The following GALNT11 variants were observed in gnomAD, a reference collection of about 807,000 sequenced individuals.
GALNT11 encodes the protein UDP-GalNAc:polypeptide N-acetylgalactosaminyltransferase 11.
GALNT11 carries 47 observed loss-of-function variants against 72.7 expected under a neutral mutation model. The observed-to-expected ratio is 0.65, with a 90% CI of 0.51 to 0.82. The LOEUF is 0.82. Among genes scored for constraint, GALNT11 ranks in the 40% least tolerant of loss-of-function variants. The pLI, the probability that GALNT11 is intolerant of heterozygous loss-of-function variation, is 0.00. For synonymous variants in GALNT11, 270 were observed against 286.6 expected (o/e 0.94, Z 0.58); for missense variants, 677 against 778.4 (o/e 0.87, Z 1.55).
At position 152,102,271 on chromosome 7, in the gene GALNT11, T is replaced by C. The variant is rs148606478; in HGVS notation, c.420-841T>C. 2.8e-3 allele frequency among the ~76,000 whole-genome samples: 431 copies of C among 152,134 alleles called. 1 individual carries two copies. The highest frequency in any genetic ancestry group is 0.01 in the Middle Eastern group (3 of 294). Reference sequence around the variant, plus strand: ...TAAAAAGTCTTTATTCGGCTGGACATGGTGGCTCACACCTGTAATCCCAGC... The same window carrying C: ...TAAAAAGTCTTTATTCGGCTGGACACGGTGGCTCACACCTGTAATCCCAGC... On this transcript the variant is annotated intron_variant, in intron 3 of 11. Coordinates refer to ENST00000430044, the MANE Select transcript of GALNT11 (RefSeq NM_022087.4).
At chr7:152,071,271 G>A (rs933874014) in intron 1 of GALNT11, among the ~76,000 whole-genome samples, 2 of 147,446 alleles carry the variant, frequency 1.4e-5, no homozygotes, top group Middle Eastern at 3.2e-3. Flanking sequence ...TCAACCATAA[G>A]AGACGGGCAC....
intron 2 of GALNT11, among the ~76,000 whole-genome samples, chr7:152,097,369 T>G (rs1349719445): frequency 6.6e-6 from 1 of 152,182 alleles, no homozygotes; most frequent in African/African-American, 2.4e-5. Context: ...ACAGTGAGGA[T>G]GTGGAGAAAC....
rs1206458085 is a variant in GALNT11 at position 152,090,646 on chromosome 7, AC to A, written c.-38-3537del. Reference sequence around the variant, plus strand: ...CAAGAGCCTTTGCTCTTATTCCCCCACCCCCCCACCCCACCCCACCCTGCAT... The same window carrying A: ...CAAGAGCCTTTGCTCTTATTCCCCCACCCCCCACCCCACCCCACCCTGCAT... On this transcript the variant is annotated intron_variant, in intron 1 of 11. Transcript: ENST00000430044. 5.0e-5 allele frequency among the ~76,000 whole-genome samples: 5 copies of A among 100,558 alleles called. No individual in the cohort carries two copies. In the East Asian group the frequency reaches 1.5e-3, roughly 29 times the overall value. The allele number at this position is 100,558 out of a possible 152,430, so 66.0% of individuals were successfully genotyped here.
chr7:152,026,833 T>A (rs1267696300), intron 1 of GALNT11, among the ~76,000 whole-genome samples: 1 of 152,240 alleles, frequency 6.6e-6, no homozygotes, highest in Non-Finnish European at 1.5e-5. Context: ...AAGACTCATG[T>A]TCCCCTACAA....
chr7:152,040,450 G>GT (rs2082801957), intron 1 of GALNT11, among the ~76,000 whole-genome samples: 1 of 152,192 alleles, frequency 6.6e-6, no homozygotes, highest in Non-Finnish European at 1.5e-5. Context: ...CTGTATCTGC[G>GT]TTTGAGACCA....
intron 1 of GALNT11, among the ~76,000 whole-genome samples, chr7:152,058,653 C>T (rs1046643731): frequency 2.0e-5 from 3 of 152,096 alleles, no homozygotes; most frequent in Non-Finnish European, 2.9e-5. Flanking sequence ...TAAAATAAGA[C>T]GGAAGTAAAG....
intron 1 of GALNT11, among the ~76,000 whole-genome samples, chr7:152,051,406 C>A: frequency 6.6e-6 from 1 of 151,316 alleles, no homozygotes; most frequent in Non-Finnish European, 1.5e-5. Flanking sequence ...ATATCAAGGC[C>A]CCCACCCTCC....
chr7:152,096,252 T>C (rs746906587), intron 2 of GALNT11, among the ~76,000 whole-genome samples: 6 of 152,142 alleles, frequency 3.9e-5, no homozygotes, highest in Non-Finnish European at 7.4e-5. Context: ...TGGTCTTTGT[T>C]GTAAAGAGGG....
intron 5 of GALNT11, 110 bp downstream of exon 5, chr7:152,105,480 A>G: frequency 2.1e-6 from 3 of 1,456,556 alleles, no homozygotes; most frequent in Non-Finnish European, 1.8e-6. Context: ...TCAAACGGAC[A>G]TTGCCAGCAG....
In GALNT11 at chr7:152,117,352, CCCAAAGT is replaced by C; in HGVS notation, c.1432_1438del (p.Lys478PhefsTer52). 6.2e-7 allele frequency: 1 copy of C among 1,614,114 alleles called. No individual in the cohort carries two copies. The highest frequency in any genetic ancestry group is 1.3e-5 in the African/African-American group (1 of 75,016). ...TTTTGTCAATAGAGGGCCAAAACGA[CCCAAAGT>C]CCTTCAACGTGGAAGGGTAAGAAAG... On this transcript the variant is annotated frameshift_variant, in exon 9 of 12. Transcript: ENST00000430044. LOFTEE classifies it high-confidence loss of function.
intron 8 of GALNT11, 112 bp from the exon 9 acceptor site, chr7:152,117,045 G>A: frequency 1.1e-6 from 1 of 909,998 alleles, no homozygotes; most frequent in Non-Finnish European, 1.7e-6. Flanking sequence ...TAAGGTACAT[G>A]TTATTATCAT....
chr7:152,100,364 G>A (rs1212748303), intron 2 of GALNT11, among the ~76,000 whole-genome samples: 1 of 151,856 alleles, frequency 6.6e-6, no homozygotes, highest in African/African-American at 2.4e-5. Context: ...TCAGGAGATC[G>A]AGACCATCCT....
At position 152,110,502 on chromosome 7, in the gene GALNT11, GAGTAC is replaced by G. The variant is rs557845690; in HGVS notation, c.963-21_963-17del. 72 of 1,517,190 alleles carry G rather than the reference GAGTAC, an allele frequency of 4.7e-5. No homozygotes were observed. In the Admixed American group the frequency reaches 7.8e-4, roughly 16 times the overall value. The allele number at this position is 1,517,190 out of a possible 1,614,324, so 94.0% of individuals were successfully genotyped here. A position where few individuals can be genotyped will look rare whatever the true frequency, so the allele number is the denominator to read the frequency against. On this transcript the variant is annotated intron_variant, in intron 6 of 11. Transcript: ENST00000430044. ...GGTAAGATAACTGACTATAAGGAATGAGTACAGTAATTTTCCTTTTTCTAGGTCAC... is the reference window on the plus strand; with the variant it reads ...GGTAAGATAACTGACTATAAGGAATGAGTAATTTTCCTTTTTCTAGGTCAC...
intron 8 of GALNT11, among the ~76,000 whole-genome samples, chr7:152,115,270 CAG>C (rs1271046082): frequency 6.6e-6 from 1 of 152,142 alleles, no homozygotes; most frequent in African/African-American, 2.4e-5. Context: ...TGTGTAAAAT[CAG>C]GGGAGTAAAG....
At chr7:152,051,210 T>G (rs202147569) in intron 1 of GALNT11, among the ~76,000 whole-genome samples, 6,742 of 146,190 alleles carry the variant, frequency 0.046, 192 homozygotes, top group East Asian at 0.16. Flanking sequence ...TTTTTTTTTT[T>G]TTTTTTTTTT....
At position 152,094,491 on chromosome 7, in the gene GALNT11, AGAAG is replaced by A; in HGVS notation, c.266_269del (p.Glu89AlafsTer3). 2 of 1,612,208 alleles carry A rather than the reference AGAAG, an allele frequency of 1.2e-6. No individual in the cohort carries two copies. The highest frequency in any genetic ancestry group is 1.7e-6 in the Non-Finnish European group (2 of 1,178,792). ...TAGACAGTCGTGTTGAAGATCCAGA[AGAAG>A]GCCACTTGAAATTCTCTTCTGAATT... On this transcript the variant is annotated frameshift_variant, in exon 2 of 12. Transcript: ENST00000430044. LOFTEE classifies it high-confidence loss of function. This position sits in a 1 kb window ranked among gnomAD's most constrained non-coding sequence, Gnocchi z 4.3.
chr7:152,064,498 G>A (rs2084196332), intron 1 of GALNT11, among the ~76,000 whole-genome samples: 1 of 152,156 alleles, frequency 6.6e-6, no homozygotes. Context: ...CTGTCATTAT[G>A]ATGTTAGCTG....
rs200793325 is a variant in GALNT11, at chr7:152,100,772, C to T, written c.296-26C>T. On this transcript the variant is annotated intron_variant, in intron 2 of 11. Coordinates refer to ENST00000430044, the MANE Select transcript of GALNT11 (RefSeq NM_022087.4). ...AACATGATACTTTCTAGATTTAATTCGCTGACTAACTTCACTCTTTTGCAG... is the reference window on the plus strand; with the variant it reads ...AACATGATACTTTCTAGATTTAATTTGCTGACTAACTTCACTCTTTTGCAG... The T allele has an allele frequency of 1.1e-4, 178 of 1,610,296 alleles. No homozygotes were observed. In the Middle Eastern group the frequency reaches 1.5e-3, roughly 13 times the overall value.
intron 1 of GALNT11, among the ~76,000 whole-genome samples, chr7:152,037,486 T>C (rs1325905257): frequency 1.3e-5 from 2 of 152,202 alleles, no homozygotes; most frequent in East Asian, 3.8e-4. Flanking sequence ...AATTTGAAGT[T>C]GTAATTTGGG....
Sources: gnomAD v4.1 joint callset for allele counts (sites outside exome capture counted in the v4.1 genomes callset) on GRCh38, gnomAD v4.1.1 for gene constraint, Gnocchi (gnomAD v3.1) non-coding constraint, MANE v1.5 for transcripts, NCBI Gene and HGNC (gene_info 2026-07-23, HGNC 2026-07-21) for gene names.